The following DIXDC1 variants were observed in gnomAD, a reference collection of about 807,000 sequenced individuals.
DIXDC1 encodes the protein dixin.
DIXDC1 carries 64 observed loss-of-function variants against 103.1 expected under a neutral mutation model. The observed-to-expected ratio is 0.62, with a 90% CI of 0.51 to 0.76. The LOEUF (loss-of-function observed/expected upper bound fraction) is 0.76. Among genes scored for constraint, DIXDC1 ranks in the 30% least tolerant of loss-of-function variants. The pLI is 0.00. For synonymous variants in DIXDC1, 266 were observed against 298.5 expected, an observed-to-expected ratio of 0.89 and a Z score of 1.12; for missense variants, 759 against 834.2, an observed-to-expected ratio of 0.91 and a Z score of 1.11.
chr11:111,946,482 C>T (rs1555169379), intron 1 of DIXDC1, among the ~76,000 whole-genome samples: 2 of 152,194 alleles, frequency 1.3e-5, no homozygotes, highest in African/African-American at 4.8e-5. Context: ...CCTTGGCCTC[C>T]CAAAGTGCTG....
chr11:112,004,949 T>G (rs1861188560), intron 17 of DIXDC1, among the ~76,000 whole-genome samples: 1 of 152,136 alleles, frequency 6.6e-6, no homozygotes, highest in South Asian at 2.1e-4. Flanking sequence ...AACATATGTC[T>G]GGCATTCAAT....
At position 111,982,577 on chromosome 11, in the gene DIXDC1, T is replaced by G; in HGVS notation, c.918+90T>G. ...GGAAAATAAACTGATTTTAGTTTTC[T>G]AGGAGGTCAGAACTGAATGAGGAGT... On this transcript the variant is annotated intron_variant, in intron 7 of 19. Coordinates refer to ENST00000440460, the MANE Select transcript of DIXDC1 (RefSeq NM_001037954.4). 3 of 1,414,790 alleles carry G rather than the reference T, an allele frequency of 2.1e-6. No homozygotes were observed. The South Asian group carries it at 4.2e-5, about 20-fold the overall frequency. 87.6% of individuals were successfully genotyped at this position (1,414,790 alleles called of 1,614,324 possible). A position where few individuals can be genotyped will look rare whatever the true frequency, so the allele number is the denominator to read the frequency against.
At chr11:111,987,515 A>G (rs1860534556) in intron 9 of DIXDC1, among the ~76,000 whole-genome samples, 1 of 152,178 alleles carries the variant, frequency 6.6e-6, no homozygotes, top group East Asian at 1.9e-4. Flanking sequence ...TAATACCAGT[A>G]CAGTCTTTTT....
chr11:111,932,567 C>T (rs1966062085), upstream of DIXDC1, among the ~76,000 whole-genome samples: 1 of 135,202 alleles, frequency 7.4e-6, no homozygotes, highest in South Asian at 2.3e-4. Flanking sequence ...GCTTGGGCGA[C>T]AGAAGCGAGA....
chr11:111,967,121 C>T (rs1859764611), intron 2 of DIXDC1, among the ~76,000 whole-genome samples: 2 of 150,856 alleles, frequency 1.3e-5, no homozygotes, highest in African/African-American at 5.0e-5. Context: ...CAGGTTCAGC[C>T]CTCTTATATA....
intron 5 of DIXDC1, among the ~76,000 whole-genome samples, chr11:111,979,396 G>A (rs1326133468): frequency 6.6e-6 from 1 of 152,202 alleles, no homozygotes; most frequent in African/African-American, 2.4e-5. Context: ...GTGAATCCTA[G>A]CCACTTTCAC....
upstream of DIXDC1, chr11:111,937,304 G>A: frequency 7.5e-7 from 1 of 1,337,400 alleles, no homozygotes; most frequent in Non-Finnish European, 9.5e-7. Context: ...GGCCCCTCCA[G>A]CGGAGGCCCC....
chr11:112,014,440 T>G (rs1861525364), intron 17 of DIXDC1, among the ~76,000 whole-genome samples: 1 of 152,240 alleles, frequency 6.6e-6, no homozygotes, highest in Admixed American at 6.5e-5. Context: ...CATTTCATGC[T>G]TCTGCACCTG....
intron 17 of DIXDC1, among the ~76,000 whole-genome samples, chr11:112,011,886 G>A (rs1861434009): frequency 6.6e-6 from 1 of 152,078 alleles, no homozygotes; most frequent in African/African-American, 2.4e-5. Context: ...AAACCCACAT[G>A]GCACATGTAT....
At chr11:111,943,573 C>T (rs1418330157) in intron 1 of DIXDC1, among the ~76,000 whole-genome samples, 2 of 142,410 alleles carry the variant, frequency 1.4e-5, no homozygotes, top group African/African-American at 5.3e-5. Flanking sequence ...AATCTTGGCT[C>T]ACTGCAACCT....
intron 17 of DIXDC1, among the ~76,000 whole-genome samples, chr11:111,996,634 T>A (rs1404932762): frequency 6.6e-6 from 1 of 152,128 alleles, no homozygotes; most frequent in Non-Finnish European, 1.5e-5. Context: ...GTGGATCACC[T>A]GAGGTCAGGA....
intron 9 of DIXDC1, among the ~76,000 whole-genome samples, chr11:111,987,963 A>G (rs1322739014): frequency 1.3e-5 from 2 of 151,080 alleles, no homozygotes; most frequent in African/African-American, 4.9e-5. Flanking sequence ...GGCCGACATG[A>G]ATTTTTAATA....
upstream of DIXDC1, chr11:111,937,225 G>C (rs1399290135): frequency 6.0e-6 from 7 of 1,169,406 alleles, no homozygotes; most frequent in African/African-American, 1.6e-5. Flanking sequence ...GCGGGGCTGG[G>C]GGCAGCCCGG....
Position 112,017,514 on chromosome 11 carries a change from C to A in DIXDC1, c.1863-263C>A. ...TTTCAGGGACTTTATATCTTATTTC[C>A]AGAGAAAAGTGATTTGGCTTCTGAA... On this transcript the variant is annotated intron_variant, in intron 18 of 19. Coordinates refer to ENST00000440460, the MANE Select transcript of DIXDC1 (RefSeq NM_001037954.4). The surrounding 1 kb of genome is among the most constrained non-coding windows in gnomAD (Gnocchi z 4.0). 1 of 241,522 alleles carries A rather than the reference C, an allele frequency of 4.1e-6. No homozygotes were observed. Among genetic ancestry groups the A allele is most frequent in the Non-Finnish European group, 8.0e-6 (1 of 124,802 alleles). The allele number at this position is 241,522 out of a possible 1,614,324, so 15.0% of individuals were successfully genotyped here.
chr11:111,995,694 A>G (rs1860874859), intron 16 of DIXDC1, 130 bp downstream of exon 16: 1 of 1,226,686 alleles, frequency 8.2e-7, no homozygotes, highest in South Asian at 1.6e-5. Context: ...GTTTTTCTCT[A>G]TTGTTTTTTC....
chr11:111,929,583 T>TA (rs587666008), intron 1 of DIXDC1, among the ~76,000 whole-genome samples: 1,293 of 90,498 alleles, frequency 0.014, 10 homozygotes, highest in Middle Eastern at 0.027. Flanking sequence ...ACCTTATCTC[T>TA]AAAAAAAAAA....
At position 111,982,350 on chromosome 11, in the gene DIXDC1, T is replaced by C; in HGVS notation, c.781T>C (p.Ser261Pro). ...GIENRTEGTDSPLSRDWRPGS... is the reference protein window; with the variant it reads ...GIENRTEGTDPPLSRDWRPGS... ...TTTTCATTTTTTAGAAGGGACAGAT[T>C]CTCCATTATCTCGAGACTGGCGGCC... is the stretch of plus-strand genomic sequence containing the variant. Residue 261 changes from serine (S) to proline (P), a missense_variant, in exon 7 of 20, where the codon TCT becomes CCT. Transcript: ENST00000440460. 1 of 1,613,296 alleles carries C rather than the reference T, an allele frequency of 6.2e-7. No homozygotes were observed. Among genetic ancestry groups the C allele is most frequent in the Non-Finnish European group, 8.5e-7 (1 of 1,179,712 alleles).
chr11:111,952,549 C>T (rs1966840855), intron 1 of DIXDC1, among the ~76,000 whole-genome samples: 1 of 151,910 alleles, frequency 6.6e-6, no homozygotes, highest in African/African-American at 2.4e-5. Context: ...TTGGCCAGGC[C>T]TGGTGGCTCA....
intron 1 of DIXDC1, among the ~76,000 whole-genome samples, chr11:111,962,341 G>T (rs1457748264): frequency 6.6e-6 from 1 of 152,100 alleles, no homozygotes; most frequent in East Asian, 1.9e-4. Context: ...AATTAGCCCG[G>T]CGTGGTGGCA....
Sources: gnomAD v4.1 joint callset for allele counts (sites outside exome capture counted in the v4.1 genomes callset) on GRCh38, gnomAD v4.1.1 for gene constraint, Gnocchi (gnomAD v3.1) non-coding constraint, MANE v1.5 for transcripts, NCBI Gene and HGNC (gene_info 2026-07-23, HGNC 2026-07-21) for gene names.